Variants in IRS1 observed in about 807,000 individuals in gnomAD.
IRS1 encodes insulin receptor substrate 1.
IRS1 carries 34 observed loss-of-function variants against 65.6 expected under a neutral mutation model. The observed-to-expected ratio is 0.52, with a 90% confidence interval of 0.39 to 0.69. The LOEUF (loss-of-function observed/expected upper bound fraction) is 0.69, where lower values mean the gene tolerates loss of function less well. IRS1 is among the 30% of genes least tolerant of loss of function. The pLI is 0.00. For synonymous variants in IRS1, 699 were observed against 683.5 expected, an observed-to-expected ratio of 1.02 and a Z score of -0.35; for missense variants, 1,641 against 1,720.2, an observed-to-expected ratio of 0.95 and a Z score of 0.81.
chr2:226,778,582 A>G (rs1939321703), intron 1 of IRS1, among the ~76,000 whole-genome samples: 1 of 152,244 alleles, frequency 6.6e-6, no homozygotes, highest in Non-Finnish European at 1.5e-5. Context: ...TAGAGTATAT[A>G]CATTACCACT....
intron 1 of IRS1, among the ~76,000 whole-genome samples, chr2:226,766,266 C>T (rs1424622470): frequency 6.8e-6 from 1 of 146,500 alleles, no homozygotes; most frequent in African/African-American, 2.5e-5. Context: ...AAGGTTCAAG[C>T]AATTCTTGTG....
At chr2:226,742,465 T>G (rs1043104945) in intron 1 of IRS1, among the ~76,000 whole-genome samples, 1 of 152,150 alleles carries the variant, frequency 6.6e-6, no homozygotes, top group African/African-American at 2.4e-5. Flanking sequence ...GCCAAGCCAG[T>G]GCTTTAATGG....
At chr2:226,738,119 G>T (rs1362122740) in intron 1 of IRS1, among the ~76,000 whole-genome samples, 1 of 152,152 alleles carries the variant, frequency 6.6e-6, no homozygotes, top group Non-Finnish European at 1.5e-5. Flanking sequence ...GAGACAACAA[G>T]GACATGCTAC....
At chr2:226,751,434 C>G (rs1938679606) in intron 1 of IRS1, among the ~76,000 whole-genome samples, 1 of 151,904 alleles carries the variant, frequency 6.6e-6, no homozygotes, top group Non-Finnish European at 1.5e-5. Context: ...CAGGCGCCTG[C>G]CACGACGCCC....
chr2:226,752,208 A>T (rs1464193718), intron 1 of IRS1, among the ~76,000 whole-genome samples: 1 of 152,154 alleles, frequency 6.6e-6, no homozygotes, highest in African/African-American at 2.4e-5. Flanking sequence ...ACATTTTCTA[A>T]TATCAGGGGG....
At chr2:226,770,777 T>C (rs1288519475) in intron 1 of IRS1, among the ~76,000 whole-genome samples, 3 of 152,226 alleles carry the variant, frequency 2.0e-5, no homozygotes, top group Non-Finnish European at 4.4e-5. Flanking sequence ...AACTCTACCA[T>C]GTAACAGCTG....
At chr2:226,751,306 CAG>C (rs1348828972) in intron 1 of IRS1, among the ~76,000 whole-genome samples, 1 of 90,236 alleles carries the variant, frequency 1.1e-5, no homozygotes, top group Non-Finnish European at 2.0e-5. Context: ...TTTTTTGAGA[CAG>C]AGTCTCGCTT....
intron 1 of IRS1, among the ~76,000 whole-genome samples, chr2:226,739,999 G>A (rs1938407146): frequency 6.6e-6 from 1 of 152,224 alleles, no homozygotes; most frequent in South Asian, 2.1e-4. Context: ...TGACTGAAGG[G>A]AGACAATTGA....
rs1187676556 is a variant in IRS1, at chr2:226,797,048, C to T, written c.1691G>A (p.Ser564Asn). Residue 564 changes from serine to asparagine, a missense_variant, in exon 1 of 2, where the codon AGT becomes AAT. Physicochemically the swap from Ser to Asn is conservative, Grantham distance 46 (BLOSUM62 1). Coordinates refer to ENST00000305123, the MANE Select transcript of IRS1 (RefSeq NM_005544.3). This position sits in a 1 kb window ranked among gnomAD's most constrained non-coding sequence, Gnocchi z 8.1. ...CCTGTGTCCCGGCAGTCGGCCTCCA[C>T]TGCCACCTCCTGGTGGGTAGGCAGG... ...MMPAYPPGGG[S>N]GGRLPGHRHS... 2.5e-6 allele frequency: 4 copies of T among 1,609,934 alleles called. No homozygotes were observed. Among genetic ancestry groups the T allele is most frequent in the Middle Eastern group, 3.3e-4 (2 of 6,046 alleles).
rs1352639489 is a variant in IRS1 at position 226,798,806 on chromosome 2, G to T, written c.-68C>A. 6.4e-7 allele frequency: 1 copy of T among 1,557,398 alleles called. No individual in the cohort carries two copies. The highest frequency in any genetic ancestry group is 8.7e-7 in the Non-Finnish European group (1 of 1,151,988). ...AAAAACAACCGGGTGGGGGGCGGAG[G>T]CTCCTCGCCGCGGCCCGGCACATGC... On this transcript the variant is annotated 5_prime_UTR_variant, in exon 1 of 2. Coordinates refer to ENST00000305123, the MANE Select transcript of IRS1 (RefSeq NM_005544.3). The surrounding 1 kb of genome is among the most constrained non-coding windows in gnomAD (Gnocchi z 9.4).
chr2:226,755,827 C>T (rs1311598355), intron 1 of IRS1, among the ~76,000 whole-genome samples: 4 of 152,220 alleles, frequency 2.6e-5, no homozygotes. Context: ...AAATTACTGC[C>T]TTCAAGCATT....
At chr2:226,789,413 ATCT>A in intron 1 of IRS1, among the ~76,000 whole-genome samples, 2 of 152,230 alleles carry the variant, frequency 1.3e-5, no homozygotes, top group Non-Finnish European at 2.9e-5. Flanking sequence ...AGCACAAAAA[ATCT>A]GGACAACACT....
chr2:226,759,318 AG>A (rs1938867842), intron 1 of IRS1, among the ~76,000 whole-genome samples: 1 of 152,240 alleles, frequency 6.6e-6, no homozygotes, highest in Non-Finnish European at 1.5e-5. Context: ...ATGTTTACAG[AG>A]GTTTGCAGCA....
At chr2:226,769,732 C>T (rs1939127962) in intron 1 of IRS1, among the ~76,000 whole-genome samples, 1 of 152,152 alleles carries the variant, frequency 6.6e-6, no homozygotes, top group South Asian at 2.1e-4. Context: ...AGAAAACTTT[C>T]TATTTATGAC....
intron 1 of IRS1, among the ~76,000 whole-genome samples, chr2:226,765,381 A>T (rs2106168690): frequency 6.6e-6 from 1 of 152,346 alleles, no homozygotes; most frequent in South Asian, 2.1e-4. Context: ...CTCTTACTGA[A>T]TCACTATTTA....
At chr2:226,751,912 A>G (rs1384298894) in intron 1 of IRS1, among the ~76,000 whole-genome samples, 2 of 152,144 alleles carry the variant, frequency 1.3e-5, no homozygotes, top group African/African-American at 4.8e-5. Context: ...CCAACTCCAC[A>G]TCTTTATTAC....
chr2:226,757,705 T>C (rs1042551789), intron 1 of IRS1, among the ~76,000 whole-genome samples: 1 of 152,238 alleles, frequency 6.6e-6, no homozygotes, highest in African/African-American at 2.4e-5. Flanking sequence ...AGTTTTCATT[T>C]CATATCTGTG....
rs535872205 is a variant in IRS1 at position 226,747,684 on chromosome 2, T to C, written c.*22-11434A>G. On this transcript the variant is annotated intron_variant, in intron 1 of 1. Coordinates refer to ENST00000305123, the MANE Select transcript of IRS1 (RefSeq NM_005544.3). ...CCATGGAAGGGCCAGACAGAAGCCA[T>C]CCATCTGGCCTTTGGCAGAAACACG... Among the ~76,000 whole-genome samples the C allele has an allele frequency of 7.9e-5, 12 of 152,238 alleles. No homozygotes were observed. The South Asian group carries it at 2.5e-3, about 32-fold the overall frequency.
chr2:226,741,909 T>C (rs1203517425), intron 1 of IRS1, among the ~76,000 whole-genome samples: 1 of 151,960 alleles, frequency 6.6e-6, no homozygotes, highest in African/African-American at 2.4e-5. Context: ...TTAAAATTCA[T>C]ACCTCCATAA....
Sources: gnomAD v4.1 joint callset for allele counts (sites outside exome capture counted in the v4.1 genomes callset) on GRCh38, gnomAD v4.1.1 for gene constraint, Gnocchi (gnomAD v3.1) non-coding constraint, MANE v1.5 for transcripts, NCBI Gene and HGNC (gene_info 2026-07-23, HGNC 2026-07-21) for gene names.